The following BTBD3 variants were observed in gnomAD, a reference collection of about 807,000 sequenced individuals.
The protein encoded by BTBD3 is BTB domain containing 3.
BTBD3 carries 14 observed loss-of-function variants against 41.6 expected under a neutral mutation model. The observed-to-expected ratio is 0.34, with a 90% confidence interval of 0.22 to 0.53. The LOEUF is 0.53. BTBD3 is among the 20% of genes least tolerant of loss of function. The probability of loss-of-function intolerance (pLI) is 0.95; values close to 1 mark genes in which losing one functional copy is unlikely to be tolerated. For missense variants in BTBD3, 426 were observed against 654.7 expected, an observed-to-expected ratio of 0.65 and a Z score of 3.81; for synonymous variants, 249 against 233.7, an observed-to-expected ratio of 1.07 and a Z score of -0.60.
chr20:11,898,624 C>G (rs1037991075), intron 1 of BTBD3, among the ~76,000 whole-genome samples: 3 of 152,136 alleles, frequency 2.0e-5, no homozygotes, highest in Non-Finnish European at 2.9e-5. Flanking sequence ...ATAGAAGATG[C>G]TCAGTAAATA....
At chr20:11,911,737 C>A (rs1314901258) in intron 1 of BTBD3, among the ~76,000 whole-genome samples, 1 of 152,080 alleles carries the variant, frequency 6.6e-6, no homozygotes, top group Non-Finnish European at 1.5e-5. Flanking sequence ...GAAGTATCTT[C>A]AACTTTACAA....
chr20:11,918,628 T>G, intron 1 of BTBD3, 27 bp downstream of exon 1: 1 of 1,536,050 alleles, frequency 6.5e-7, no homozygotes, highest in Non-Finnish European at 8.7e-7. Context: ...TCTATTTACT[T>G]TAAAAGTTTT....
At position 11,925,086 on chromosome 20, in the gene BTBD3, T is replaced by G. The variant is rs771007315; in HGVS notation, c.*1420T>G. 1 of 152,778 alleles carries G rather than the reference T, an allele frequency of 6.5e-6. No homozygotes were observed. Among genetic ancestry groups the G allele is most frequent in the Non-Finnish European group, 1.5e-5 (1 of 68,108 alleles). The allele number at this position is 152,778 out of a possible 1,614,324, so 9.5% of individuals were successfully genotyped here. On this transcript the variant is annotated 3_prime_UTR_variant, in exon 4 of 4. Coordinates refer to ENST00000378226, the MANE Select transcript of BTBD3 (RefSeq NM_014962.4). ...TTCTGGGCAGCTTTTCTGCTCAGTG[T>G]GATCCTGAGATGGCTTCCCCGCCGC...
chr20:11,895,170 C>A (rs2056779067), intron 1 of BTBD3, among the ~76,000 whole-genome samples: 1 of 152,132 alleles, frequency 6.6e-6, no homozygotes, highest in Non-Finnish European at 1.5e-5. Flanking sequence ...AGGTCTGCTT[C>A]AGTTTTAGGT....
At chr20:11,908,261 C>G (rs2056867885) in intron 1 of BTBD3, among the ~76,000 whole-genome samples, 1 of 141,818 alleles carries the variant, frequency 7.1e-6, no homozygotes, top group Non-Finnish European at 1.5e-5. Flanking sequence ...TCATCATCAC[C>G]TTGGATCTTG....
chr20:11,898,018 C>T (rs183376230), intron 1 of BTBD3, among the ~76,000 whole-genome samples: 214 of 152,126 alleles, frequency 1.4e-3, no homozygotes, highest in African/African-American at 4.8e-3. Flanking sequence ...ATTAGCCAGA[C>T]GTGATGGCAT....
At position 11,918,127 on chromosome 20, in the gene BTBD3, A is replaced by T. The variant is rs2056931664; in HGVS notation, c.-149A>T. 2.0e-5 allele frequency: 29 copies of T among 1,475,454 alleles called. No homozygotes were observed. Among genetic ancestry groups the T allele is most frequent in the Non-Finnish European group, 2.6e-5 (29 of 1,124,996 alleles). 91.4% of individuals were successfully genotyped at this position (1,475,454 alleles called of 1,614,324 possible). The stretch of plus-strand genomic sequence containing the variant: ...CTTAAAGCCAGTTTCTATTCAACAT[A>T]GTGAAAAGGTCACCTTGCCTGGCTG... On this transcript the variant is annotated 5_prime_UTR_variant, in exon 1 of 4. Coordinates refer to ENST00000378226, the MANE Select transcript of BTBD3 (RefSeq NM_014962.4).
chr20:11,891,452 C>T (rs2056753421), intron 1 of BTBD3: 1 of 151,968 alleles, frequency 6.6e-6, no homozygotes, highest in East Asian at 2.0e-4. Flanking sequence ...CCCTAAGTAA[C>T]TTTCCTGAGG....
intron 1 of BTBD3, among the ~76,000 whole-genome samples, chr20:11,902,067 C>G (rs914717508): frequency 2.6e-5 from 4 of 151,850 alleles, no homozygotes; most frequent in Non-Finnish European, 5.9e-5. Flanking sequence ...CCACCCCGCA[C>G]AGTTGAAAAT....
rs1300932977 is a variant in BTBD3 at position 11,909,698 on chromosome 20, C to T, written c.-125-8636C>T. 6 of 152,152 alleles carry T rather than the reference C, an allele frequency of 3.9e-5. No homozygotes were observed. The East Asian group carries it at 1.2e-3, about 29-fold the overall frequency. 9.4% of individuals were successfully genotyped at this position (152,152 alleles called of 1,614,324 possible). A position where few individuals can be genotyped will look rare whatever the true frequency, so the allele number is the denominator to read the frequency against. On this transcript the variant is annotated intron_variant, in intron 1 of 4. Coordinates refer to the BTBD3 transcript ENST00000254977. ...TTCATTAAATAGTAATTAATTGAGA[C>T]CTTCTGGATATGTGTATAGTGTTTG...
rs763696902 is a variant in BTBD3, at chr20:11,923,358, G to C, written c.1261G>C (p.Glu421Gln). The C allele has an allele frequency of 6.2e-7, 1 of 1,614,220 alleles. No individual in the cohort carries two copies. The highest frequency in any genetic ancestry group is 8.5e-7 in the Non-Finnish European group (1 of 1,180,046). The change falls in exon 4 of 4, where the codon GAA (glutamate) becomes CAA (glutamine). Residue 421 changes from glutamate (E) to glutamine (Q), a missense_variant. By Grantham distance (29) the Glu-to-Gln change is conservative. Around this residue, in one of 3 missense-constraint regions of BTBD3, gnomAD observed 321 missense variants for 534.8 expected, o/e 0.60. Coordinates refer to ENST00000378226, the MANE Select transcript of BTBD3 (RefSeq NM_014962.4). The surrounding 1 kb of genome is among the most constrained non-coding windows in gnomAD (Gnocchi z 5.3). ...GTATGGCTCCAGCTGTGGTTCTGCA[G>C]AATACAGTGCCAAGATTGAACTTAA... ...GLYGSSCGSA[E>Q]YSAKIELKRQ... is the part of the protein sequence containing the mutation.
chr20:11,902,097 C>G (rs1051841576), intron 1 of BTBD3, among the ~76,000 whole-genome samples: 1 of 151,610 alleles, frequency 6.6e-6, no homozygotes, highest in South Asian at 2.1e-4. Context: ...ACTTTTGACT[C>G]ACAAAAACTT....
intron 1 of BTBD3, among the ~76,000 whole-genome samples, chr20:11,900,987 A>G (rs1247317964): frequency 6.6e-6 from 1 of 152,136 alleles, no homozygotes; most frequent in Admixed American, 6.5e-5. Context: ...CTGGGATTAC[A>G]GGCTTGAGCC....
At chr20:11,919,012 G>T in intron 1 of BTBD3, 74 bp from the exon 2 acceptor site, 1 of 1,114,850 alleles carries the variant, frequency 9.0e-7, no homozygotes, top group East Asian at 2.5e-5. Flanking sequence ...AGTCTTTTGT[G>T]GGTTTTGTAT....
chr20:11,916,143 A>T (rs1345866199), upstream of BTBD3, among the ~76,000 whole-genome samples: 1 of 152,172 alleles, frequency 6.6e-6, no homozygotes, highest in African/African-American at 2.4e-5. Context: ...GAAAAGCCAG[A>T]TACTAGATTT....
chr20:11,894,588 TTAAA>T (rs2056775274), intron 1 of BTBD3, among the ~76,000 whole-genome samples: 1 of 152,152 alleles, frequency 6.6e-6, no homozygotes, highest in South Asian at 2.1e-4. Flanking sequence ...TTTAAAAAAA[TTAAA>T]TACCCGTTTT....
At chr20:11,896,358 C>T (rs187672018) in intron 1 of BTBD3, among the ~76,000 whole-genome samples, 4 of 152,268 alleles carry the variant, frequency 2.6e-5, no homozygotes, top group Non-Finnish European at 4.4e-5. Context: ...GGCACTTATG[C>T]GAAAAGCTTT....
chr20:11,895,853 C>T (rs1306540882), intron 1 of BTBD3, among the ~76,000 whole-genome samples: 1 of 152,146 alleles, frequency 6.6e-6, no homozygotes, highest in Admixed American at 6.5e-5. Flanking sequence ...GCTTTTCTCA[C>T]TGTTGGTATA....
intron 1 of BTBD3, among the ~76,000 whole-genome samples, chr20:11,906,700 T>C (rs2056857050): frequency 6.6e-6 from 1 of 152,228 alleles, no homozygotes; most frequent in South Asian, 2.1e-4. Context: ...GTAAGCAGTA[T>C]ACTTTTCTAC....
Sources: allele counts gnomAD v4.1 joint callset (sites outside exome capture counted in the v4.1 genomes callset), GRCh38; gene constraint gnomAD v4.1.1; regional missense constraint gnomAD v4.1.1; non-coding constraint Gnocchi (gnomAD v3.1); transcripts MANE v1.5; gene names NCBI Gene and HGNC (gene_info 2026-07-23, HGNC 2026-07-21).